TMEM232: variants seen among roughly 807,000 people sequenced by gnomAD.
TMEM232 encodes the protein transmembrane protein 232.
In TMEM232, 80 loss-of-function variants were observed where a neutral mutation model predicts 78.8. The ratio of observed to expected loss-of-function variants is 1.01; its 90% CI spans 0.85 to 1.22. TMEM232 has a LOEUF of 1.22. Among genes scored for constraint, TMEM232 ranks in the 50% most tolerant of loss-of-function variants. The pLI is 0.00. For missense variants in TMEM232, 881 were observed against 742.2 expected, an observed-to-expected ratio of 1.19 and a Z score of -2.17; for synonymous variants, 297 against 254.3, an observed-to-expected ratio of 1.17 and a Z score of -1.60.
At chr5:110,663,292 A>C (rs938498644) in intron 2 of TMEM232, among the ~76,000 whole-genome samples, 1 of 152,118 alleles carries the variant, frequency 6.6e-6, no homozygotes, top group Non-Finnish European at 1.5e-5. Context: ...CATATAATTA[A>C]AGGCACAACA....
intron 1 of TMEM232, among the ~76,000 whole-genome samples, chr5:110,707,988 G>A (rs895331727): frequency 1.3e-5 from 2 of 152,104 alleles, no homozygotes; most frequent in Non-Finnish European, 2.9e-5. Context: ...AAGAGCCCTT[G>A]GGTTCTAAAT....
chr5:110,640,970 G>T lies in TMEM232; in HGVS notation c.264C>A (p.Gly88=), dbSNP rs1041748874. The T allele has an allele frequency of 2.0e-6, 3 of 1,533,954 alleles. No homozygotes were observed. Among genetic ancestry groups the T allele is most frequent in the Non-Finnish European group, 2.6e-6 (3 of 1,138,832 alleles). The change falls in exon 4 of 14, where the codon GGC becomes GGA. Residue 88 remains glycine, a synonymous_variant. Transcript: ENST00000455884. ...CKRKLGLKTL[G]SGRHVHLPAA... Reference sequence around the variant, plus strand: ...CAGGAAGATGCACATGCCTTCCAGAGCCCAGGGTTTTGAGACCCAATTTTC... The same window carrying T: ...CAGGAAGATGCACATGCCTTCCAGATCCCAGGGTTTTGAGACCCAATTTTC...
chr5:110,695,905 CTA>C (rs1794716188), intron 1 of TMEM232, among the ~76,000 whole-genome samples: 2 of 152,154 alleles, frequency 1.3e-5, no homozygotes, highest in African/African-American at 4.8e-5. Flanking sequence ...CCTTCTGAAA[CTA>C]TTCCAATCGA....
chr5:110,562,949 T>G (rs982837575), intron 11 of TMEM232, among the ~76,000 whole-genome samples: 2 of 152,008 alleles, frequency 1.3e-5, no homozygotes, highest in Admixed American at 1.3e-4. Context: ...TAGCTAACTT[T>G]TAAATAAAAT....
At chr5:110,570,224 A>G (rs1165395259) in intron 10 of TMEM232, among the ~76,000 whole-genome samples, 1 of 151,956 alleles carries the variant, frequency 6.6e-6, no homozygotes, top group Non-Finnish European at 1.5e-5. Context: ...ACTAATTTAA[A>G]TTGAGACATC....
intron 10 of TMEM232, among the ~76,000 whole-genome samples, chr5:110,577,917 T>C (rs574080844): frequency 5.3e-5 from 8 of 152,040 alleles, no homozygotes; most frequent in South Asian, 2.1e-4. Flanking sequence ...ACATAACTAA[T>C]GGGTACTAGG....
chr5:110,436,120 T>C (rs575090447), intron 12 of TMEM232, among the ~76,000 whole-genome samples: 4 of 152,138 alleles, frequency 2.6e-5, no homozygotes, highest in Admixed American at 1.3e-4. Context: ...CTAGCATTTG[T>C]TATTGCCTAA....
At position 110,512,716 on chromosome 5, in the gene TMEM232, C is replaced by G. The variant is rs145363963; in HGVS notation, c.1703+15872G>C. 3.6e-3 allele frequency among the ~76,000 whole-genome samples: 550 copies of G among 152,244 alleles called. 3 individuals are homozygous for G. The highest frequency in any genetic ancestry group is 6.3e-3 in the Non-Finnish European group (427 of 68,004). On this transcript the variant is annotated intron_variant, in intron 12 of 13. Coordinates refer to ENST00000455884, the MANE Select transcript of TMEM232 (RefSeq NM_001039763.4). ...TAAAAATATTTCATCATAAGCTCAA[C>G]AATCCCCCTTTCTTTGAAAGAGCAA...
rs539297845 is a variant in TMEM232, at chr5:110,543,595, T to C, written c.1456-14760A>G. Among the ~76,000 whole-genome samples, 111 of 152,286 alleles carry C rather than the reference T, an allele frequency of 7.3e-4. 1 individual carries two copies. Among genetic ancestry groups the C allele is most frequent in the African/African-American group, 2.5e-3 (104 of 41,580 alleles). On this transcript the variant is annotated intron_variant, in intron 11 of 13. Coordinates refer to ENST00000455884, the MANE Select transcript of TMEM232 (RefSeq NM_001039763.4). ...TTTGTTCTGTCTTGTTTTTCATCTA[T>C]GTTATTGGGATAATAAATACCTTTT...
intron 12 of TMEM232, among the ~76,000 whole-genome samples, chr5:110,457,010 A>T (rs1760982811): frequency 6.6e-6 from 1 of 152,124 alleles, no homozygotes; most frequent in African/African-American, 2.4e-5. Flanking sequence ...TACATTTTTA[A>T]AAATTAATAA....
intron 4 of TMEM232, among the ~76,000 whole-genome samples, chr5:110,638,895 G>A (rs1466752473): frequency 1.3e-5 from 2 of 152,160 alleles, no homozygotes; most frequent in Admixed American, 1.3e-4. Context: ...GATAAAAAGG[G>A]AATAGCAGAA....
chr5:110,681,066 T>G (rs1353284625), intron 1 of TMEM232, among the ~76,000 whole-genome samples: 2 of 152,136 alleles, frequency 1.3e-5, no homozygotes, highest in African/African-American at 4.8e-5. Flanking sequence ...AATACCACTC[T>G]AGACGCTCTA....
At chr5:110,486,176 T>G (rs1337209399) in intron 12 of TMEM232, among the ~76,000 whole-genome samples, 1 of 152,036 alleles carries the variant, frequency 6.6e-6, no homozygotes, top group Non-Finnish European at 1.5e-5. Flanking sequence ...AGGTTTTTTT[T>G]TTTCCATACT....
In TMEM232 at chr5:110,614,060, T is replaced by A. The variant is rs189896555; in HGVS notation, c.902+4369A>T. 9.7e-3 allele frequency among the ~76,000 whole-genome samples: 1,478 copies of A among 152,216 alleles called. 32 individuals carry two copies. Among genetic ancestry groups the A allele is most frequent in the African/African-American group, 0.033 (1,380 of 41,562 alleles). On this transcript the variant is annotated intron_variant, in intron 8 of 13. Transcript: ENST00000455884. ...CCTTAAAATAAAAAAAGTAACTATATAAAACAGAATCAAAACTATTTGGCA... is the reference window on the plus strand; with the variant it reads ...CCTTAAAATAAAAAAAGTAACTATAAAAAACAGAATCAAAACTATTTGGCA...
At chr5:110,687,559 C>T (rs975190956) in intron 1 of TMEM232, among the ~76,000 whole-genome samples, 5 of 152,096 alleles carry the variant, frequency 3.3e-5, no homozygotes, top group Non-Finnish European at 5.9e-5. Flanking sequence ...AAAATCCAAA[C>T]TCATAGGGAC....
chr5:110,475,310 G>C (rs978435264), intron 12 of TMEM232, among the ~76,000 whole-genome samples: 3 of 151,910 alleles, frequency 2.0e-5, no homozygotes, highest in African/African-American at 7.2e-5. Flanking sequence ...GGATGCACTG[G>C]ATATCTATTA....
At chr5:110,655,425 T>A (rs1394820412) in intron 2 of TMEM232, among the ~76,000 whole-genome samples, 1 of 146,616 alleles carries the variant, frequency 6.8e-6, no homozygotes, top group African/African-American at 2.6e-5. Flanking sequence ...GGAGAGGATG[T>A]GGAGAAATAG....
intron 2 of TMEM232, among the ~76,000 whole-genome samples, chr5:110,661,372 T>C (rs1789767054): frequency 6.6e-6 from 1 of 151,840 alleles, no homozygotes; most frequent in Non-Finnish European, 1.5e-5. Context: ...AGTGCAGTGG[T>C]GCAATCTTTG....
intron 12 of TMEM232, among the ~76,000 whole-genome samples, chr5:110,520,178 CAGAA>C (rs1769298494): frequency 6.6e-6 from 1 of 151,650 alleles, no homozygotes; most frequent in East Asian, 1.9e-4. Context: ...ATGTTCCTAA[CAGAA>C]AGAAATGACA....
Sources: gnomAD v4.1 joint callset for allele counts (sites outside exome capture counted in the v4.1 genomes callset) on GRCh38, gnomAD v4.1.1 for gene constraint, MANE v1.5 for transcripts, NCBI Gene and HGNC (gene_info 2026-07-23, HGNC 2026-07-21) for gene names.